The following NELL2 variants were observed in gnomAD, a reference collection of about 807,000 sequenced individuals.
The protein encoded by NELL2 is protein kinase C-binding protein NELL2.
A neutral mutation model predicts 109.6 loss-of-function variants in NELL2; 41 were observed. That is an observed-to-expected ratio of 0.37 (90% confidence interval 0.29 to 0.49). The LOEUF is 0.49. Among genes scored for constraint, NELL2 ranks in the 20% least tolerant of loss-of-function variants. NELL2 has a pLI of 0.98. For missense variants in NELL2, 900 were observed against 1,008.3 expected, an observed-to-expected ratio of 0.89 and a Z score of 1.45; for synonymous variants, 355 against 344.7, an observed-to-expected ratio of 1.03 and a Z score of -0.33.
In NELL2 at chr12:44,600,281, T is replaced by C. The variant is rs111314207; in HGVS notation, c.1663+6888A>G. 4.4e-3 allele frequency among the ~76,000 whole-genome samples: 663 copies of C among 151,626 alleles called. 2 individuals are homozygous for C. The highest frequency in any genetic ancestry group is 8.1e-3 in the Non-Finnish European group (552 of 67,922). On this transcript the variant is annotated intron_variant, in intron 15 of 19. Transcript: ENST00000429094. ...GCCTCGTCCTCCGAAAGTGCTGGGA[T>C]CACAGGTGTGAACCACCGCGCCCGG...
At chr12:44,848,169 A>C (rs1944429780) in intron 2 of NELL2, among the ~76,000 whole-genome samples, 1 of 152,172 alleles carries the variant, frequency 6.6e-6, no homozygotes, top group Admixed American at 6.5e-5. Flanking sequence ...AGCAGTGTTA[A>C]GGCTAAGGAG....
chr12:44,562,977 T>C (rs1398156765), intron 15 of NELL2, among the ~76,000 whole-genome samples: 1 of 152,166 alleles, frequency 6.6e-6, no homozygotes, highest in Non-Finnish European at 1.5e-5. Flanking sequence ...CACTGAATAC[T>C]ACGCAGCCAT....
intron 13 of NELL2, among the ~76,000 whole-genome samples, chr12:44,642,821 G>C (rs1269211887): frequency 6.6e-6 from 1 of 152,182 alleles, no homozygotes; most frequent in Non-Finnish European, 1.5e-5. Context: ...GGCGGAGGTT[G>C]CAGTGATCCG....
chr12:44,686,487 C>T (rs879122723), intron 12 of NELL2, among the ~76,000 whole-genome samples: 17 of 152,168 alleles, frequency 1.1e-4, no homozygotes, highest in Admixed American at 2.6e-4. Flanking sequence ...GGAGGAGAGG[C>T]GCTCTGCTTT....
Position 44,804,664 on chromosome 12 carries a change from T to C in NELL2, c.335+11322A>G, listed in dbSNP as rs1942941439. Among the ~76,000 whole-genome samples, 3 of 151,922 alleles carry C rather than the reference T, an allele frequency of 2.0e-5. No homozygotes were observed. The South Asian group carries it at 6.2e-4, about 31-fold the overall frequency. On this transcript the variant is annotated intron_variant, in intron 3 of 19. Coordinates refer to ENST00000429094, the MANE Select transcript of NELL2 (RefSeq NM_001145108.2). ...AGGGCTTAAAGAGTATTTGTGAAGTTTCACATTGACATGAAAAGACAAAAA... is the reference window on the plus strand; with the variant it reads ...AGGGCTTAAAGAGTATTTGTGAAGTCTCACATTGACATGAAAAGACAAAAA...
chr12:44,530,343 A>G (rs1483475414), intron 16 of NELL2, among the ~76,000 whole-genome samples: 2 of 152,252 alleles, frequency 1.3e-5, no homozygotes, highest in African/African-American at 2.4e-5. Flanking sequence ...GAAAGGAAGC[A>G]GTATCCAAAG....
At position 44,913,740 on chromosome 12, in the gene NELL2, G is replaced by T. The variant is rs905381395; in HGVS notation, c.38+59C>A. The T allele has an allele frequency of 3.0e-5, 20 of 664,184 alleles. No individual in the cohort carries two copies. The African/African-American group carries it at 3.0e-4, about 10-fold the overall frequency. 41.1% of individuals were successfully genotyped at this position (664,184 alleles called of 1,614,324 possible). On this transcript the variant is annotated intron_variant, in intron 1 of 20. Transcript: ENST00000333837. Reference sequence around the variant, plus strand: ...TTCAGGTCACTATACCCTCCTTAAAGAATTTTTAAAATGGTGTTCAGAGTT... The same window carrying T: ...TTCAGGTCACTATACCCTCCTTAAATAATTTTTAAAATGGTGTTCAGAGTT...
chr12:44,513,038 T>A (rs868375038), intron 19 of NELL2, among the ~76,000 whole-genome samples: 1 of 152,164 alleles, frequency 6.6e-6, no homozygotes, highest in African/African-American at 2.4e-5. Context: ...CATTGCATAC[T>A]GTACATATGT....
At chr12:44,651,377 GA>G (rs1449016427) in intron 13 of NELL2, among the ~76,000 whole-genome samples, 1 of 152,136 alleles carries the variant, frequency 6.6e-6, no homozygotes, top group Non-Finnish European at 1.5e-5. Flanking sequence ...CCACTTTACT[GA>G]CAAATCTTGT....
At chr12:44,600,512 T>G (rs1424583852) in intron 15 of NELL2, among the ~76,000 whole-genome samples, 1 of 152,242 alleles carries the variant, frequency 6.6e-6, no homozygotes, top group Non-Finnish European at 1.5e-5. Flanking sequence ...CCCCCGATTA[T>G]ACTTCTGATC....
At chr12:44,806,637 C>T (rs1033377290) in intron 3 of NELL2, among the ~76,000 whole-genome samples, 1 of 151,824 alleles carries the variant, frequency 6.6e-6, no homozygotes, top group Non-Finnish European at 1.5e-5. Context: ...TAATTTGTCA[C>T]TTTCCTGCTT....
At chr12:44,776,618 T>C (rs1277432199) in intron 7 of NELL2, among the ~76,000 whole-genome samples, 2 of 152,332 alleles carry the variant, frequency 1.3e-5, no homozygotes, top group East Asian at 3.9e-4. Context: ...ACCTGACATA[T>C]GCTTAAGATA....
chr12:44,737,071 G>T (rs1173893942), intron 9 of NELL2, among the ~76,000 whole-genome samples: 1 of 151,826 alleles, frequency 6.6e-6, no homozygotes, highest in Non-Finnish European at 1.5e-5. Flanking sequence ...TCAAAATATT[G>T]ATAGGTAATA....
chr12:44,794,873 C>G (rs149707581), intron 3 of NELL2, among the ~76,000 whole-genome samples: 2,199 of 152,128 alleles, frequency 0.014, 51 homozygotes, highest in African/African-American at 0.05. Context: ...ATCCCAGGAA[C>G]ATAATTTGTC....
At chr12:44,617,691 CAAAAAAA>C (rs975070930) in intron 13 of NELL2, among the ~76,000 whole-genome samples, 1 of 22,390 alleles carries the variant, frequency 4.5e-5, no homozygotes, top group Non-Finnish European at 7.3e-5. Context: ...GACTCCGTCT[CAAAAAAA>C]AAAAAAAAAA....
At chr12:44,562,555 C>T (rs1943506404) in intron 15 of NELL2, among the ~76,000 whole-genome samples, 1 of 152,132 alleles carries the variant, frequency 6.6e-6, no homozygotes, top group South Asian at 2.1e-4. Flanking sequence ...GACCAACAAA[C>T]ATACGAAAAA....
intron 15 of NELL2, among the ~76,000 whole-genome samples, chr12:44,579,725 G>A (rs1486292417): frequency 6.6e-6 from 1 of 151,978 alleles, no homozygotes; most frequent in Non-Finnish European, 1.5e-5. Flanking sequence ...AATCAATAGG[G>A]TCAGTTATTT....
rs115536573 is a variant in NELL2 at position 44,846,391 on chromosome 12, A to G, written c.184+28834T>C. 6.4e-3 allele frequency among the ~76,000 whole-genome samples: 970 copies of G among 152,284 alleles called. 13 individuals carry two copies. Among genetic ancestry groups the G allele is most frequent in the African/African-American group, 0.022 (922 of 41,554 alleles). On this transcript the variant is annotated intron_variant, in intron 2 of 19. Coordinates refer to ENST00000429094, the MANE Select transcript of NELL2 (RefSeq NM_001145108.2). ...ATTCTTGACTCTGCAGAGGGGAATG[A>G]CTTCTTTAGTGCCACTGTGGTCTAA...
intron 9 of NELL2, among the ~76,000 whole-genome samples, chr12:44,741,685 C>T (rs1939976851): frequency 6.6e-6 from 1 of 152,222 alleles, no homozygotes. Context: ...GGGTCCTACG[C>T]CCACAGAGTC....
Sources: gnomAD v4.1 joint callset for allele counts (sites outside exome capture counted in the v4.1 genomes callset) on GRCh38, gnomAD v4.1.1 for gene constraint, MANE v1.5 for transcripts, NCBI Gene and HGNC (gene_info 2026-07-23, HGNC 2026-07-21) for gene names.